The following WDR41 variants were observed in gnomAD, a reference collection of about 807,000 sequenced individuals.
WDR41 encodes WD repeat-containing protein 41.
In WDR41, 63 loss-of-function variants were observed where a neutral mutation model predicts 69.3. The observed-to-expected ratio is 0.91, with a 90% CI of 0.74 to 1.12. The LOEUF (loss-of-function observed/expected upper bound fraction) is 1.12. Among genes scored for constraint, WDR41 ranks in the 50% most tolerant of loss-of-function variants. The pLI is 0.00. For synonymous variants in WDR41, 185 were observed against 192.1 expected (o/e 0.96, Z 0.31); for missense variants, 543 against 534.5 (o/e 1.02, Z -0.16).
intron 2 of WDR41, among the ~76,000 whole-genome samples, chr5:77,486,343 T>A (rs1394852263): frequency 6.6e-6 from 1 of 152,234 alleles, no homozygotes; most frequent in Non-Finnish European, 1.5e-5. Flanking sequence ...ATCATCACTG[T>A]ATTACAAAAG....
chr5:77,488,632 G>A (rs889358931), intron 2 of WDR41, among the ~76,000 whole-genome samples: 1 of 152,110 alleles, frequency 6.6e-6, no homozygotes, highest in Non-Finnish European at 1.5e-5. Flanking sequence ...GAGGTTGGGG[G>A]ATTAGGACGG....
intron 1 of WDR41, among the ~76,000 whole-genome samples, chr5:77,604,191 T>C (rs1016267221): frequency 1.3e-5 from 2 of 152,228 alleles, no homozygotes; most frequent in Non-Finnish European, 2.9e-5. Context: ...TTATAGTAAT[T>C]CTTCCAATCC....
intron 8 of WDR41, among the ~76,000 whole-genome samples, chr5:77,445,430 A>G (rs1354405250): frequency 6.6e-6 from 1 of 152,208 alleles, no homozygotes; most frequent in Non-Finnish European, 1.5e-5. Context: ...TTATGAAGCC[A>G]GCATCATCCT....
chr5:77,563,017 G>C (rs1580011434), intron 1 of WDR41, among the ~76,000 whole-genome samples: 1 of 152,080 alleles, frequency 6.6e-6, no homozygotes, highest in Non-Finnish European at 1.5e-5. Flanking sequence ...TCCTGCAATA[G>C]ACTGTAAATT....
chr5:77,473,382 G>C (rs1167984614), intron 2 of WDR41, among the ~76,000 whole-genome samples: 1 of 152,172 alleles, frequency 6.6e-6, no homozygotes, highest in Non-Finnish European at 1.5e-5. Flanking sequence ...ACATAGGCAT[G>C]AGCAAGGACT....
chr5:77,588,307 C>G (rs930413021), intron 1 of WDR41, among the ~76,000 whole-genome samples: 1 of 152,046 alleles, frequency 6.6e-6, no homozygotes, highest in Non-Finnish European at 1.5e-5. Flanking sequence ...TCATTCTTCT[C>G]TTTTATAGTT....
chr5:77,592,507 T>C (rs1744152229), intron 1 of WDR41, among the ~76,000 whole-genome samples: 1 of 152,206 alleles, frequency 6.6e-6, no homozygotes. Context: ...ACCCTCAGGT[T>C]TGATGATTCC....
At chr5:77,498,824 AAAAAAG>A (rs796385052) in intron 1 of WDR41, among the ~76,000 whole-genome samples, 4 of 151,152 alleles carry the variant, frequency 2.6e-5, no homozygotes, top group South Asian at 2.1e-4. Context: ...ATCAAAAAAA[AAAAAAG>A]AAAAAAGAAA....
chr5:77,497,846 T>C (rs1025437973), intron 1 of WDR41, among the ~76,000 whole-genome samples: 1 of 152,182 alleles, frequency 6.6e-6, no homozygotes, highest in Non-Finnish European at 1.5e-5. Context: ...ACATCCCAAG[T>C]GTCCATCCAC....
At chr5:77,490,878 C>T (rs1462972264) in intron 1 of WDR41, among the ~76,000 whole-genome samples, 1 of 152,196 alleles carries the variant, frequency 6.6e-6, no homozygotes, top group Non-Finnish European at 1.5e-5. Context: ...ACAGACAATA[C>T]CGTCAACTGC....
At chr5:77,571,656 TG>T (rs1743735000) in intron 1 of WDR41, among the ~76,000 whole-genome samples, 1 of 152,326 alleles carries the variant, frequency 6.6e-6, no homozygotes, top group Middle Eastern at 3.4e-3. Context: ...TGGTCTTGAC[TG>T]CTGGCTGGAT....
intron 1 of WDR41, among the ~76,000 whole-genome samples, chr5:77,583,477 A>G (rs1743979291): frequency 6.6e-6 from 1 of 150,936 alleles, no homozygotes; most frequent in Admixed American, 6.6e-5. Flanking sequence ...GTACCACCAC[A>G]CTCCAGCCTG....
chr5:77,460,496 C>G (rs1800007693), intron 4 of WDR41, among the ~76,000 whole-genome samples: 2 of 152,096 alleles, frequency 1.3e-5, no homozygotes, highest in Admixed American at 1.3e-4. Context: ...GCTCCTAAGG[C>G]TATCGCTTTA....
intron 1 of WDR41, among the ~76,000 whole-genome samples, chr5:77,510,604 A>G (rs114872469): frequency 0.012 from 1,835 of 151,952 alleles, 36 homozygotes; most frequent in African/African-American, 0.04. Context: ...TACTATCTTA[A>G]TTTTCCTCAC....
At chr5:77,543,393 G>A (rs111612194) in intron 1 of WDR41, among the ~76,000 whole-genome samples, 19,511 of 151,356 alleles carry the variant, frequency 0.13, 1,613 homozygotes, top group East Asian at 0.24. Context: ...CCAATGTAAG[G>A]AAATCCAAAA....
At chr5:77,605,980 T>C (rs1744409971) in intron 1 of WDR41, among the ~76,000 whole-genome samples, 1 of 152,050 alleles carries the variant, frequency 6.6e-6, no homozygotes, top group Non-Finnish European at 1.5e-5. Flanking sequence ...AAAGTGTGCA[T>C]GTATATGTTA....
At chr5:77,505,890 G>A (rs532034993) in intron 1 of WDR41, among the ~76,000 whole-genome samples, 1 of 152,296 alleles carries the variant, frequency 6.6e-6, no homozygotes, top group South Asian at 2.1e-4. Context: ...ATTAATTCAA[G>A]ATGGATTAAA....
chr5:77,478,653 T>G (rs1278464387), intron 2 of WDR41, among the ~76,000 whole-genome samples: 4 of 152,130 alleles, frequency 2.6e-5, no homozygotes, highest in African/African-American at 9.7e-5. Flanking sequence ...TCTCAATAAA[T>G]TAGGTATGGA....
chr5:77,436,528 C>T (rs746451341), intron 11 of WDR41, 134 bp from the exon 12 acceptor site: 16 of 1,036,508 alleles, frequency 1.5e-5, no homozygotes, highest in Admixed American at 2.6e-5. Flanking sequence ...ACCTGAGCAC[C>T]GTGCTAGGGT....
Sources: gnomAD v4.1 joint callset for allele counts (sites outside exome capture counted in the v4.1 genomes callset) on GRCh38, gnomAD v4.1.1 for gene constraint, MANE v1.5 for transcripts, NCBI Gene and HGNC (gene_info 2026-07-23, HGNC 2026-07-21) for gene names.